Variants in MAGI2 observed in about 807,000 individuals in gnomAD.
MAGI2 encodes membrane-associated guanylate kinase, WW and PDZ domain-containing protein 2.
In MAGI2, 35 loss-of-function variants were observed where a neutral mutation model predicts 133.3. That is an observed-to-expected ratio of 0.26 (90% CI 0.20 to 0.35). The LOEUF (loss-of-function observed/expected upper bound fraction) is 0.35, where lower values mean the gene tolerates loss of function less well. MAGI2 is among the 10% of genes least tolerant of loss of function. The pLI is 1.00. For synonymous variants in MAGI2, 729 were observed against 710.6 expected (o/e 1.03, Z -0.41); for missense variants, 1,636 against 1,863.4 (o/e 0.88, Z 2.25).
At chr7:78,951,378 G>A (rs1037003365) in intron 2 of MAGI2, among the ~76,000 whole-genome samples, 7 of 152,140 alleles carry the variant, frequency 4.6e-5, no homozygotes, top group South Asian at 4.1e-4. Context: ...ATTGACTCAC[G>A]TTCTGCATGG....
intron 20 of MAGI2, among the ~76,000 whole-genome samples, chr7:78,121,547 A>C (rs6466039): frequency 0.69 from 105,372 of 152,138 alleles, 36,761 homozygotes; most frequent in African/African-American, 0.75. Context: ...TAAAATATAT[A>C]ATTTTCTACC....
intron 3 of MAGI2, among the ~76,000 whole-genome samples, chr7:78,532,770 C>A (rs1425979778): frequency 6.6e-6 from 1 of 152,138 alleles, no homozygotes; most frequent in East Asian, 1.9e-4. Flanking sequence ...ATAAAATTTT[C>A]TTTAGCCTTT....
At chr7:78,758,473 C>T (rs1179764617) in intron 2 of MAGI2, among the ~76,000 whole-genome samples, 1 of 152,174 alleles carries the variant, frequency 6.6e-6, no homozygotes, top group Non-Finnish European at 1.5e-5. Flanking sequence ...CAGGACTTCT[C>T]TTTGATTAGT....
intron 2 of MAGI2, among the ~76,000 whole-genome samples, chr7:78,928,373 G>A (rs987787714): frequency 6.6e-6 from 1 of 151,622 alleles, no homozygotes; most frequent in African/African-American, 2.4e-5. Context: ...GCAGTCATGA[G>A]GTTCCTTCTA....
At chr7:78,294,993 G>T (rs138415037) in intron 9 of MAGI2, among the ~76,000 whole-genome samples, 182 of 152,208 alleles carry the variant, frequency 1.2e-3, no homozygotes, top group African/African-American at 4.2e-3. Context: ...TATTTTTAAA[G>T]ATAAGGCGTC....
chr7:79,214,778 T>A (rs937407007), intron 1 of MAGI2, among the ~76,000 whole-genome samples: 2 of 140,774 alleles, frequency 1.4e-5, no homozygotes, highest in South Asian at 4.3e-4. Context: ...ATAGATAATA[T>A]AAAAATATAT....
At chr7:79,125,582 G>A (rs144234395) in intron 1 of MAGI2, 161 of 506,512 alleles carry the variant, frequency 3.2e-4, no homozygotes, top group African/African-American at 2.9e-3. Flanking sequence ...AGTGGAGGAG[G>A]TGGAAGTGAC....
chr7:78,708,309 T>A (rs111910446), intron 2 of MAGI2, among the ~76,000 whole-genome samples: 6 of 152,250 alleles, frequency 3.9e-5, no homozygotes, highest in Admixed American at 2.0e-4. Flanking sequence ...ATGACCTATA[T>A]CCACTTTAAG....
rs1563188322 is a variant in MAGI2 at position 78,573,241 on chromosome 7, T to TATATTTATATATAA, written c.539-51597_539-51596insTTATATATAAATAT. ...AAATATATATAAATATAAATATATA[T>TATATTTATATATAA]ATATAAATATATATAAATATAAATA... On this transcript the variant is annotated intron_variant, in intron 3 of 21. Transcript: ENST00000354212. Among the ~76,000 whole-genome samples the TATATTTATATATAA allele has an allele frequency of 4.5e-3, 232 of 51,300 alleles. 3 individuals are homozygous for TATATTTATATATAA. Among genetic ancestry groups the TATATTTATATATAA allele is most frequent in the South Asian group, 6.3e-3 (10 of 1,576 alleles). The allele number at this position is 51,300 out of a possible 152,430, so 33.7% of individuals were successfully genotyped here. A position where few individuals can be genotyped will look rare whatever the true frequency, so the allele number is the denominator to read the frequency against.
intron 2 of MAGI2, among the ~76,000 whole-genome samples, chr7:78,651,658 A>G (rs1001106715): frequency 6.6e-6 from 1 of 152,188 alleles, no homozygotes; most frequent in African/African-American, 2.4e-5. Context: ...TTCTATATGT[A>G]TAATTATTGA....
At chr7:78,595,530 G>A (rs751922760) in intron 3 of MAGI2, among the ~76,000 whole-genome samples, 1 of 152,148 alleles carries the variant, frequency 6.6e-6, no homozygotes, top group Non-Finnish European at 1.5e-5. Context: ...GAGATATTAT[G>A]ATCAAATGTG....
rs79910157 is a variant in MAGI2, at chr7:79,380,619, T to C, written c.301+72401A>G. Among the ~76,000 whole-genome samples the C allele has an allele frequency of 8.5e-3, 1,291 of 151,884 alleles. 12 individuals are homozygous for C. Among genetic ancestry groups the C allele is most frequent in the African/African-American group, 0.03 (1,236 of 41,490 alleles). On this transcript the variant is annotated intron_variant, in intron 1 of 21. Coordinates refer to ENST00000354212, the MANE Select transcript of MAGI2 (RefSeq NM_012301.4). ...TTTGAAGCCTAGTTCTGATCTTCTA[T>C]CATTACTATTTTGGATTTGCAAATA... is the stretch of plus-strand genomic sequence containing the variant.
intron 1 of MAGI2, among the ~76,000 whole-genome samples, chr7:79,179,499 G>T (rs114215374): frequency 7.9e-4 from 120 of 151,900 alleles, no homozygotes; most frequent in Non-Finnish European, 1.5e-3. Flanking sequence ...TAAAGTTGGA[G>T]GTATAATATA....
At chr7:78,567,427 A>G (rs1377721034) in intron 3 of MAGI2, among the ~76,000 whole-genome samples, 1 of 151,470 alleles carries the variant, frequency 6.6e-6, no homozygotes, top group Non-Finnish European at 1.5e-5. Context: ...CACAACCGCA[A>G]TGCATGACAA....
At chr7:79,434,623 GA>G (rs1419568322) in intron 1 of MAGI2, among the ~76,000 whole-genome samples, 1 of 152,112 alleles carries the variant, frequency 6.6e-6, no homozygotes, top group Non-Finnish European at 1.5e-5. Context: ...AATATATTCA[GA>G]AAGAAATTAT....
intron 2 of MAGI2, among the ~76,000 whole-genome samples, chr7:78,632,965 T>G (rs541669030): frequency 6.6e-6 from 1 of 152,348 alleles, no homozygotes; most frequent in South Asian, 2.1e-4. Flanking sequence ...GCAGCAGTAT[T>G]CACAATAACA....
At chr7:78,475,192 T>C (rs1170731749) in intron 6 of MAGI2, among the ~76,000 whole-genome samples, 1 of 151,960 alleles carries the variant, frequency 6.6e-6, no homozygotes, top group African/African-American at 2.4e-5. Flanking sequence ...ACAGTTTTAG[T>C]AATCAGAGTG....
chr7:78,096,958 TAACTTTACAAGAG>T (rs1817748134), intron 20 of MAGI2, among the ~76,000 whole-genome samples: 1 of 151,986 alleles, frequency 6.6e-6, no homozygotes, highest in African/African-American at 2.4e-5. Context: ...ATAAGGAACT[TAACTTTACAAGAG>T]AACAAACAAC....
intron 1 of MAGI2, among the ~76,000 whole-genome samples, chr7:79,258,724 G>A (rs934176374): frequency 6.6e-6 from 1 of 152,112 alleles, no homozygotes; most frequent in Non-Finnish European, 1.5e-5. Flanking sequence ...TGAACTCCTC[G>A]GCTCAAGGGA....
Sources: allele counts gnomAD v4.1 joint callset (sites outside exome capture counted in the v4.1 genomes callset), GRCh38; gene constraint gnomAD v4.1.1; transcripts MANE v1.5; gene names NCBI Gene and HGNC (gene_info 2026-07-23, HGNC 2026-07-21).